The following ALG3 variants were observed in gnomAD, a reference collection of about 807,000 sequenced individuals.
ALG3 encodes ALG3 alpha-1,3- mannosyltransferase, also known as dol-P-Man:Man(5)GlcNAc(2)-PP-Dol alpha-1,3-mannosyltransferase.
In ALG3, 39 loss-of-function variants were observed where a neutral mutation model predicts 50.5. That is an observed-to-expected ratio of 0.77 (90% CI 0.60 to 1.01). The LOEUF (loss-of-function observed/expected upper bound fraction) is 1.01, where lower values mean the gene tolerates loss of function less well. Among genes scored for constraint, ALG3 ranks in the 50% least tolerant of loss-of-function variants. ALG3 has a pLI of 0.00. For missense variants in ALG3, 520 were observed against 554.8 expected (o/e 0.94, Z 0.63); for synonymous variants, 252 against 237.2 (o/e 1.06, Z -0.58).
chr3:184,244,314 CAGG>C (rs1719010680), intron 5 of ALG3: 1 of 531,460 alleles, frequency 1.9e-6, no homozygotes, highest in Non-Finnish European at 3.3e-6. Flanking sequence ...GAGGCCAAGG[CAGG>C]AGGATTGCTT....
intron 1 of ALG3, among the ~76,000 whole-genome samples, chr3:184,247,489 G>T (rs1719223344): frequency 6.6e-6 from 1 of 151,944 alleles, no homozygotes; most frequent in East Asian, 1.9e-4. Context: ...GTAGAGACAG[G>T]ATTTCATCAT....
intron 1 of ALG3, among the ~76,000 whole-genome samples, chr3:184,247,761 T>C (rs1157987221): frequency 6.6e-6 from 1 of 152,218 alleles, no homozygotes; most frequent in East Asian, 1.9e-4. Flanking sequence ...CCCTTTATGG[T>C]ATCCTGTGTT....
chr3:184,246,068 C>T (rs1460370266), intron 1 of ALG3, among the ~76,000 whole-genome samples: 1 of 152,216 alleles, frequency 6.6e-6, no homozygotes, highest in Non-Finnish European at 1.5e-5. Flanking sequence ...GCACCACCGA[C>T]CTCTTAGCTA....
intron 1 of ALG3, among the ~76,000 whole-genome samples, chr3:184,246,959 C>T (rs1357276413): frequency 1.3e-5 from 2 of 152,176 alleles, no homozygotes; most frequent in Non-Finnish European, 2.9e-5. Context: ...GGCTGGAGTG[C>T]AGTGGTGCGA....
chr3:184,244,087 T>G, intron 5 of ALG3, 91 bp from the exon 6 acceptor site: 1 of 1,303,274 alleles, frequency 7.7e-7, no homozygotes, highest in Non-Finnish European at 1.1e-6. Flanking sequence ...GGGACGGGGA[T>G]GTAGGCCTCA....
chr3:184,245,298 C>G lies in ALG3; in HGVS notation c.505G>C (p.Val169Leu). The G allele has an allele frequency of 6.2e-7, 1 of 1,613,430 alleles. No individual in the cohort carries two copies. Among genetic ancestry groups the G allele is most frequent in the African/African-American group, 1.3e-5 (1 of 75,012 alleles). ...CASYRVHSIF[V>L]LRLFNDPVAM... ...ACTGGGTCATTGAAGAGCCGCAGCACAAAGATGGAGTGGACACGGTAAGAG... is the reference window on the plus strand; with the variant it reads ...ACTGGGTCATTGAAGAGCCGCAGCAGAAAGATGGAGTGGACACGGTAAGAG... The change falls in exon 4 of 9, where the codon GTG becomes CTG. Residue 169 changes from valine to leucine, a missense_variant. Val to Leu is a conservative substitution (Grantham distance 32). Coordinates refer to ENST00000397676, the MANE Select transcript of ALG3 (RefSeq NM_005787.6).
chr3:184,243,483 G>A (rs1560162489), intron 7 of ALG3, 71 bp downstream of exon 7: 2 of 1,481,554 alleles, frequency 1.3e-6, no homozygotes, highest in Non-Finnish European at 1.9e-6. Flanking sequence ...CAGCTGTCAA[G>A]GGATACCTGA....
upstream of ALG3, chr3:184,249,028 C>T (rs1445561254): frequency 6.5e-7 from 1 of 1,536,164 alleles, no homozygotes; most frequent in South Asian, 1.2e-5. Flanking sequence ...CCTGGCGTCC[C>T]ACCAGGCTAA....
chr3:184,242,467 C>T lies in ALG3; in HGVS notation c.*47G>A, dbSNP rs752206244. 1.3e-6 allele frequency: 2 copies of T among 1,595,138 alleles called. No individual in the cohort carries two copies. Among genetic ancestry groups the T allele is most frequent in the South Asian group, 1.1e-5 (1 of 88,240 alleles). On this transcript the variant is annotated 3_prime_UTR_variant, in exon 9 of 9. Coordinates refer to ENST00000397676, the MANE Select transcript of ALG3 (RefSeq NM_005787.6). ...TTTGGAAGGGCAGAGTCCAACCAAC[C>T]CCAGGTCCTGAGGGTAGACTCAGGT...
rs1375444854 is a variant in ALG3 at position 184,242,320 on chromosome 3, C to T, written c.*194G>A. On this transcript the variant is annotated 3_prime_UTR_variant, in exon 9 of 9. Transcript: ENST00000397676. ...TCCCCAAATCCTATGCAATAAAGTG[C>T]CTCTTAGGACTGCTTGAGTGAATTC... is the stretch of plus-strand genomic sequence containing the variant. 8 of 794,026 alleles carry T rather than the reference C, an allele frequency of 1.0e-5. No homozygotes were observed. The Middle Eastern group carries it at 1.4e-3, about 134-fold the overall frequency. The allele number at this position is 794,026 out of a possible 1,614,324, so 49.2% of individuals were successfully genotyped here.
chr3:184,243,855 G>A lies in ALG3; in HGVS notation c.868C>T (p.His290Tyr). 1 of 1,614,030 alleles carries A rather than the reference G, an allele frequency of 6.2e-7. No homozygotes were observed. Among genetic ancestry groups the A allele is most frequent in the Non-Finnish European group, 8.5e-7 (1 of 1,179,906 alleles). ...AGGTGGGCAGTCAACAGGGCCAGGTGGAAGGCTCGATGCAGGAAGAGCGCC... is the reference window on the plus strand; with the variant it reads ...AGGTGGGCAGTCAACAGGGCCAGGTAGAAGGCTCGATGCAGGAAGAGCGCC... ...PEALFLHRAF[H>Y]LALLTAHLTL... is the part of the protein sequence containing the mutation. Residue 290 changes from histidine to tyrosine, a missense_variant, in exon 6 of 9, where the codon CAC becomes TAC. Transcript: ENST00000397676.
At chr3:184,248,069 T>C (rs1229311336) in intron 1 of ALG3, among the ~76,000 whole-genome samples, 6 of 149,390 alleles carry the variant, frequency 4.0e-5, no homozygotes, top group Admixed American at 1.3e-4. Flanking sequence ...TTAGCCAGGA[T>C]GGCCTCGATC....
Position 184,245,565 on chromosome 3 carries a change from C to T in ALG3, c.347G>A (p.Ser116Asn). ...YIFMGLYYATSRGTDIRMAQN... is the reference protein window; with the variant it reads ...YIFMGLYYATNRGTDIRMAQN... ...GGCCATGCGGATGTCAGTGCCTCGG[C>T]TGGTGGCATAGTACAACCCCATAAA... is the stretch of plus-strand genomic sequence containing the variant. The change falls in exon 3 of 9, where the codon AGC becomes AAC. Residue 116 changes from serine (S) to asparagine (N), a missense_variant. Physicochemically the swap from Ser to Asn is conservative, Grantham distance 46 (BLOSUM62 1). Transcript: ENST00000397676. 6.2e-7 allele frequency: 1 copy of T among 1,613,836 alleles called. No homozygotes were observed. Among genetic ancestry groups the T allele is most frequent in the Non-Finnish European group, 8.5e-7 (1 of 1,179,836 alleles).
In ALG3 at chr3:184,245,782, G is replaced by C. The variant is rs772230940; in HGVS notation, c.227C>G (p.Ala76Gly). Residue 76 changes from alanine to glycine, a missense_variant, in exon 2 of 9, where the codon GCC becomes GGC. This residue lies in a region of ALG3 where 290 missense variants were observed against 265.9 expected (regional missense o/e 1.09). Transcript: ENST00000397676. Reference protein sequence around the residue: ...YTEIDWKAYMAEVEGVINGTY... With the variant: ...YTEIDWKAYMGEVEGVINGTY... The stretch of plus-strand genomic sequence containing the variant: ...ACCATTGATGACGCCTTCTACCTCG[G>C]CCATGTAGGCCTTCCAGTCAATCTC... 6.2e-7 allele frequency: 1 copy of C among 1,613,766 alleles called. No homozygotes were observed. Among genetic ancestry groups the C allele is most frequent in the African/African-American group, 1.3e-5 (1 of 75,030 alleles).
At position 184,242,859 on chromosome 3, in the gene ALG3, A is replaced by G. The variant is rs377073728; in HGVS notation, c.1108T>C (p.Tyr370His). 3.8e-5 allele frequency: 61 copies of G among 1,613,778 alleles called. 1 individual carries two copies. Among genetic ancestry groups the G allele is most frequent in the Non-Finnish European group, 5.0e-5 (59 of 1,179,892 alleles). ...CGTGCAGGCATGGCCCACAGGAGGT[A>G]GGGCAGTGTGTGGAAATACCAGACG... ...FYVWYFHTLP[Y>H]LLWAMPARWL... Residue 370 changes from tyrosine (Y) to histidine (H), a missense_variant, in exon 8 of 9, where the codon TAC becomes CAC. Transcript: ENST00000397676.
rs1175034437 is a variant in ALG3, at chr3:184,242,469, C to A, written c.*45G>T. On this transcript the variant is annotated 3_prime_UTR_variant, in exon 9 of 9. Transcript: ENST00000397676. ...TGGAAGGGCAGAGTCCAACCAACCC[C>A]AGGTCCTGAGGGTAGACTCAGGTCC... 1 of 1,596,244 alleles carries A rather than the reference C, an allele frequency of 6.3e-7. No individual in the cohort carries two copies. Among genetic ancestry groups the A allele is most frequent in the Non-Finnish European group, 8.5e-7 (1 of 1,171,246 alleles).
intron 1 of ALG3, among the ~76,000 whole-genome samples, 157 bp from the exon 2 acceptor site, chr3:184,245,969 C>G (rs1719125215): frequency 1.3e-5 from 2 of 152,126 alleles, no homozygotes; most frequent in African/African-American, 4.8e-5. Flanking sequence ...CTGGGTGAGC[C>G]CAGGCATCTC....
chr3:184,244,679 A>T lies in ALG3; in HGVS notation c.648T>A (p.Pro216=). The T allele has an allele frequency of 6.2e-7, 1 of 1,610,570 alleles. No individual in the cohort carries two copies. Among genetic ancestry groups the T allele is most frequent in the African/African-American group, 1.3e-5 (1 of 74,950 alleles). ...SVKMNVLLFA[P]GLLFLLLTQF... is the part of the protein sequence containing the mutation. ...GTGTGAGGAGAAGAAACAGTAACCC[A>T]GGGGCGAAGAGCAGCACATTCATCT... The change falls in exon 5 of 9, where the codon CCT becomes CCA. Residue 216 remains proline, a synonymous_variant. Transcript: ENST00000397676.
rs892599184 is a variant in ALG3 at position 184,244,635 on chromosome 3, G to A, written c.692C>T (p.Ala231Val). The A allele has an allele frequency of 5.6e-6, 9 of 1,610,528 alleles. No homozygotes were observed. Among genetic ancestry groups the A allele is most frequent in the Non-Finnish European group, 7.6e-6 (9 of 1,178,542 alleles). ...AGCACAGATTCCCAGCTTGGGGAGG[G>A]CCCCACGGAAGCCAAACTGTGTGAG... is the stretch of plus-strand genomic sequence containing the variant. ...LLLTQFGFRG[A>V]LPKLGICAGL... Residue 231 changes from alanine to valine, a missense_variant, in exon 5 of 9, where the codon GCC becomes GTC. Physicochemically the swap from Ala to Val is moderately conservative, Grantham distance 64. Transcript: ENST00000397676.
Sources: gnomAD v4.1 joint callset for allele counts (sites outside exome capture counted in the v4.1 genomes callset) on GRCh38, gnomAD v4.1.1 for gene constraint, gnomAD v4.1.1 regional missense constraint, MANE v1.5 for transcripts, NCBI Gene and HGNC (gene_info 2026-07-23, HGNC 2026-07-21) for gene names.